Variants in GPLD1 observed in about 807,000 individuals in gnomAD.
GPLD1 encodes glycosylphosphatidylinositol specific phospholipase D1.
A neutral mutation model predicts 112.6 loss-of-function variants in GPLD1; 84 were observed. The observed-to-expected ratio is 0.75, with a 90% confidence interval of 0.63 to 0.89. The LOEUF (loss-of-function observed/expected upper bound fraction) is 0.89, where lower values mean the gene tolerates loss of function less well. Ranked by LOEUF, GPLD1 falls within the 40% of genes least tolerant of loss-of-function variation. The probability of loss-of-function intolerance (pLI) is 0.00; values close to 1 mark genes in which losing one functional copy is unlikely to be tolerated. For missense variants in GPLD1, 1,044 were observed against 1,051.5 expected (o/e 0.99, Z 0.10); for synonymous variants, 386 against 403.8 (o/e 0.96, Z 0.53).
At chr6:24,457,601 G>C (rs1047795661) in intron 12 of GPLD1, among the ~76,000 whole-genome samples, 6 of 152,048 alleles carry the variant, frequency 3.9e-5, no homozygotes, top group African/African-American at 1.4e-4. Flanking sequence ...CCTCCAGACC[G>C]GCCAGGCGTG....
chr6:24,468,051 C>T lies in GPLD1; in HGVS notation c.546-777G>A, dbSNP rs571446634. 5.3e-5 allele frequency among the ~76,000 whole-genome samples: 8 copies of T among 152,228 alleles called. No individual in the cohort carries two copies. The East Asian group carries it at 9.7e-4, about 18-fold the overall frequency. Reference sequence around the variant, plus strand: ...CCTCCCAAGCAGCTGGGATTACAGGCGTGTGCCACCACGCCCGGCTAATTT... The same window carrying T: ...CCTCCCAAGCAGCTGGGATTACAGGTGTGTGCCACCACGCCCGGCTAATTT... On this transcript the variant is annotated intron_variant, in intron 7 of 24. Transcript: ENST00000230036.
At chr6:24,473,276 A>G (rs948066246) in intron 6 of GPLD1, 1 of 176,062 alleles carries the variant, frequency 5.7e-6, no homozygotes, top group African/African-American at 2.4e-5. Flanking sequence ...TACTACAGGC[A>G]AAAGGTGGAG....
Position 24,426,701 on chromosome 6 carries a change from CAGAG to C in GPLD1, c.*2327_*2330del, listed in dbSNP as rs1762249887. Among the ~76,000 whole-genome samples the C allele has an allele frequency of 4.4e-5, 1 of 22,842 alleles. No individual in the cohort carries two copies. The highest frequency in any genetic ancestry group is 2.0e-4 in the Non-Finnish European group (1 of 4,906). 15.0% of individuals were successfully genotyped at this position (22,842 alleles called of 152,430 possible). A position where few individuals can be genotyped will look rare whatever the true frequency, so the allele number is the denominator to read the frequency against. ...ATCCCTTTACTCAAGTGTCAGATGT[CAGAG>C]TGCTCTAACTGCTCAACTCATAAGT... On this transcript the variant is annotated 3_prime_UTR_variant, in exon 25 of 25. Coordinates refer to ENST00000230036, the MANE Select transcript of GPLD1 (RefSeq NM_001503.4).
chr6:24,472,449 T>C (rs1314785968), intron 7 of GPLD1, 133 bp downstream of exon 7: 5 of 583,066 alleles, frequency 8.6e-6, no homozygotes, highest in Non-Finnish European at 1.5e-5. Flanking sequence ...TATGCTAATA[T>C]GCAATTTTAC....
chr6:24,453,901 G>A (rs145504248), intron 14 of GPLD1, 114 bp downstream of exon 14: 322 of 698,106 alleles, frequency 4.6e-4, no homozygotes, highest in Non-Finnish European at 7.4e-4. Flanking sequence ...TACACCACCA[G>A]CTGTTTGTTA....
intron 2 of GPLD1, among the ~76,000 whole-genome samples, chr6:24,481,650 A>G (rs2817209): frequency 0.5 from 76,517 of 151,704 alleles, 19,883 homozygotes; most frequent in African/African-American, 0.6. Context: ...CACCTTCCCC[A>G]AGACTTCTCC....
intron 24 of GPLD1, among the ~76,000 whole-genome samples, chr6:24,431,154 T>C (rs1227806227): frequency 6.6e-6 from 1 of 152,212 alleles, no homozygotes; most frequent in African/African-American, 2.4e-5. Context: ...CCTACATTTT[T>C]AGACCTGCCT....
chr6:24,430,944 C>T (rs368139862), intron 24 of GPLD1, among the ~76,000 whole-genome samples: 3 of 151,798 alleles, frequency 2.0e-5, no homozygotes, highest in Admixed American at 2.0e-4. Flanking sequence ...ATTATATATA[C>T]CACTACTCTC....
upstream of GPLD1, among the ~76,000 whole-genome samples, chr6:24,490,157 C>T (rs1476071889): frequency 6.6e-6 from 1 of 152,200 alleles, no homozygotes. Context: ...TATCCAGAGC[C>T]TGTTGCAAGG....
Position 24,427,749 on chromosome 6 carries a change from G to A in GPLD1, c.*1283C>T, listed in dbSNP as rs1398939251. Among the ~76,000 whole-genome samples, 1 of 146,182 alleles carries A rather than the reference G, an allele frequency of 6.8e-6. No individual in the cohort carries two copies. On this transcript the variant is annotated 3_prime_UTR_variant, in exon 25 of 25. Coordinates refer to ENST00000230036, the MANE Select transcript of GPLD1 (RefSeq NM_001503.4). Reference sequence around the variant, plus strand: ...TAGTCCCAGCTGCCTGGGAGGCTGAGACAGGAGAATCACTTGAACCTGGGA... The same window carrying A: ...TAGTCCCAGCTGCCTGGGAGGCTGAAACAGGAGAATCACTTGAACCTGGGA...
intron 1 of GPLD1, among the ~76,000 whole-genome samples, chr6:24,488,614 A>T (rs1029826392): frequency 6.7e-6 from 1 of 148,576 alleles, no homozygotes; most frequent in African/African-American, 2.5e-5. Flanking sequence ...TATGCAAAAA[A>T]CATGGTAGCT....
intron 14 of GPLD1, among the ~76,000 whole-genome samples, chr6:24,452,285 GAAGT>G (rs938946309): frequency 6.6e-6 from 1 of 152,204 alleles, no homozygotes; most frequent in Non-Finnish European, 1.5e-5. Flanking sequence ...GCTTTGTAGA[GAAGT>G]AAGAAGCAAC....
chr6:24,488,883 C>T (rs1349746711), intron 1 of GPLD1, among the ~76,000 whole-genome samples: 4 of 152,154 alleles, frequency 2.6e-5, no homozygotes, highest in Non-Finnish European at 5.9e-5. Context: ...CTGCCATCTT[C>T]CTGGCACCGT....
At position 24,445,557 on chromosome 6, in the gene GPLD1, G is replaced by A; in HGVS notation, c.2009C>T (p.Ala670Val). The A allele has an allele frequency of 6.2e-7, 1 of 1,611,830 alleles. No individual in the cohort carries two copies. Among genetic ancestry groups the A allele is most frequent in the Non-Finnish European group, 8.5e-7 (1 of 1,177,896 alleles). Reference sequence around the variant, plus strand: ...AGTGTGTGACCTACCGTACGTAGGGGCTCCAACCAGCAGCACTTGTTTCAG... The same window carrying A: ...AGTGTGTGACCTACCGTACGTAGGGACTCCAACCAGCAGCACTTGTTTCAG... Reference protein sequence around the residue: ...GTLKQVLLVGAPTYDDVSKVA... With the variant: ...GTLKQVLLVGVPTYDDVSKVA... The change falls in exon 20 of 25, where the codon GCC becomes GTC. Residue 670 changes from alanine to valine, a missense_variant. Physicochemically the swap from Ala to Val is moderately conservative, Grantham distance 64. Transcript: ENST00000230036.
At chr6:24,490,979 A>G (rs1764542270), upstream of GPLD1, among the ~76,000 whole-genome samples, 1 of 152,208 alleles carries the variant, frequency 6.6e-6, no homozygotes. Context: ...ATAAACTTAA[A>G]TCAAGTTTAT....
At chr6:24,461,935 G>A (rs1731902072) in intron 11 of GPLD1, among the ~76,000 whole-genome samples, 2 of 152,024 alleles carry the variant, frequency 1.3e-5, no homozygotes, top group South Asian at 4.2e-4. Flanking sequence ...CTTATTAAAT[G>A]AATGCATAAA....
chr6:24,495,237 C>T (rs1383327902), upstream of GPLD1: 1 of 1,523,630 alleles, frequency 6.6e-7, no homozygotes, highest in Non-Finnish European at 8.8e-7. Flanking sequence ...CGTGCAAGAC[C>T]CGGCCAGCGG....
chr6:24,495,043 G>A, exon 1 of GPLD1: 1 of 1,359,216 alleles, frequency 7.4e-7, no homozygotes, highest in South Asian at 2.1e-5. Flanking sequence ...CGGCGCCTCG[G>A]GTCGACGTTT....
chr6:24,493,031 C>T (rs1764595339), upstream of GPLD1, among the ~76,000 whole-genome samples: 4 of 152,168 alleles, frequency 2.6e-5, no homozygotes, highest in South Asian at 8.3e-4. Flanking sequence ...ATCGTACCTA[C>T]TGTGCGTAAT....
Sources: allele counts gnomAD v4.1 joint callset (sites outside exome capture counted in the v4.1 genomes callset), GRCh38; gene constraint gnomAD v4.1.1; transcripts MANE v1.5; gene names NCBI Gene and HGNC (gene_info 2026-07-23, HGNC 2026-07-21).